The following SLC47A1 variants were observed in gnomAD, a reference collection of about 807,000 sequenced individuals.
The protein encoded by SLC47A1 is solute carrier family 47 member 1, also known as multidrug and toxin extrusion protein 1.
SLC47A1 carries 58 observed loss-of-function variants against 65.8 expected under a neutral mutation model. The ratio of observed to expected loss-of-function variants is 0.88; its 90% CI spans 0.71 to 1.10. The LOEUF is 1.10. Ranked by LOEUF, SLC47A1 falls within the 50% of genes least tolerant of loss-of-function variation. The pLI, the probability that SLC47A1 is intolerant of heterozygous loss-of-function variation, is 0.00. For missense variants in SLC47A1, 706 were observed against 719.2 expected, an observed-to-expected ratio of 0.98 and a Z score of 0.21; for synonymous variants, 285 against 295.0, an observed-to-expected ratio of 0.97 and a Z score of 0.35.
chr17:19,569,165 A>G (rs944419765), intron 14 of SLC47A1, among the ~76,000 whole-genome samples: 1 of 151,830 alleles, frequency 6.6e-6, no homozygotes, highest in African/African-American at 2.4e-5. Context: ...TGAGGTTAAG[A>G]GTTTGAGACC....
At chr17:19,558,975 G>C (rs2084286098) in intron 10 of SLC47A1, among the ~76,000 whole-genome samples, 1 of 152,110 alleles carries the variant, frequency 6.6e-6, no homozygotes, top group Non-Finnish European at 1.5e-5. Flanking sequence ...CAATGTTCAT[G>C]TTTCAACAAG....
At chr17:19,559,764 C>T (rs11651969) in intron 10 of SLC47A1, among the ~76,000 whole-genome samples, 65,537 of 151,726 alleles carry the variant, frequency 0.43, 14,498 homozygotes, top group Middle Eastern at 0.6. Flanking sequence ...AACTCCTGAC[C>T]GCAAGTGATC....
At chr17:19,576,481 G>T (rs1009553781) in intron 16 of SLC47A1, among the ~76,000 whole-genome samples, 6 of 150,516 alleles carry the variant, frequency 4.0e-5, no homozygotes, top group Non-Finnish European at 5.9e-5. Context: ...CTCCCAAGTA[G>T]TTGGGACTAT....
In SLC47A1 at chr17:19,566,738, C is replaced by T. The variant is rs553898312; in HGVS notation, c.1107-52C>T. 4 of 1,556,992 alleles carry T rather than the reference C, an allele frequency of 2.6e-6. No homozygotes were observed. In the South Asian group the frequency reaches 3.3e-5, roughly 13 times the overall value. Reference sequence around the variant, plus strand: ...CTGCGCCTAGCCAGAAAGCTATATACTTCTTTCTCCACTTTGTCTCCTAAT... The same window carrying T: ...CTGCGCCTAGCCAGAAAGCTATATATTTCTTTCTCCACTTTGTCTCCTAAT... On this transcript the variant is annotated intron_variant, in intron 12 of 16. Coordinates refer to ENST00000270570, the MANE Select transcript of SLC47A1 (RefSeq NM_018242.3).
rs183282840 is a variant in SLC47A1 at position 19,544,084 on chromosome 17, A to G, written c.237+1590A>G. On this transcript the variant is annotated intron_variant, in intron 2 of 16. Coordinates refer to ENST00000270570, the MANE Select transcript of SLC47A1 (RefSeq NM_018242.3). ...GATTCTCCAGCCTCAGCCTGGGATT[A>G]CAGGCACATGCCACCACACCCAGCT... Among the ~76,000 whole-genome samples the G allele has an allele frequency of 4.3e-4, 65 of 152,260 alleles. 1 individual carries two copies. Among genetic ancestry groups the G allele is most frequent in the Admixed American group, 3.7e-3 (56 of 15,292 alleles).
intron 7 of SLC47A1, 122 bp downstream of exon 7, chr17:19,555,431 C>T: frequency 7.7e-7 from 1 of 1,295,006 alleles, no homozygotes. Context: ...TTCTTGCACA[C>T]TGTGGAAAGC....
intron 6 of SLC47A1, among the ~76,000 whole-genome samples, chr17:19,554,203 T>A (rs1391399436): frequency 6.6e-6 from 1 of 152,182 alleles, no homozygotes; most frequent in Non-Finnish European, 1.5e-5. Context: ...AAATCATGGT[T>A]TGATAGGCGC....
intron 12 of SLC47A1, among the ~76,000 whole-genome samples, chr17:19,566,449 A>T (rs902437402): frequency 1.3e-5 from 2 of 151,816 alleles, no homozygotes; most frequent in African/African-American, 4.8e-5. Context: ...TTTTTTTAAG[A>T]CAGTCTCGCT....
In SLC47A1 at chr17:19,555,326, C is replaced by T; in HGVS notation, c.641+17C>T. The T allele has an allele frequency of 1.2e-6, 2 of 1,612,758 alleles. No individual in the cohort carries two copies. Among genetic ancestry groups the T allele is most frequent in the Non-Finnish European group, 8.5e-7 (1 of 1,178,742 alleles). On this transcript the variant is annotated intron_variant, in intron 7 of 16. Coordinates refer to ENST00000270570, the MANE Select transcript of SLC47A1 (RefSeq NM_018242.3). ...TGGGGTGATGTGAGTCCAACATACT[C>T]TTGGGACAGGGAGAAGGGATGACTT...
chr17:19,557,605 A>C (rs1428764857), intron 10 of SLC47A1: 1 of 517,658 alleles, frequency 1.9e-6, no homozygotes, highest in Admixed American at 2.0e-5. Context: ...CAGCTGGCCC[A>C]TGGGTGACCC....
intron 12 of SLC47A1, among the ~76,000 whole-genome samples, chr17:19,565,706 C>T (rs2084351196): frequency 6.6e-6 from 1 of 151,560 alleles, no homozygotes; most frequent in Non-Finnish European, 1.5e-5. Context: ...TCAGCCTCCC[C>T]AGCAGCTGGG....
At chr17:19,571,778 G>A (rs1193541323) in intron 15 of SLC47A1, among the ~76,000 whole-genome samples, 1 of 152,136 alleles carries the variant, frequency 6.6e-6, no homozygotes, top group Non-Finnish European at 1.5e-5. Context: ...AGAAAAACAG[G>A]GGACTCCTTT....
chr17:19,567,337 G>T (rs923734432), intron 14 of SLC47A1, 109 bp downstream of exon 14: 2 of 1,476,872 alleles, frequency 1.4e-6, no homozygotes, highest in Non-Finnish European at 1.9e-6. Flanking sequence ...TCGGGAGCTC[G>T]CCCACGTCCA....
intron 10 of SLC47A1, among the ~76,000 whole-genome samples, chr17:19,558,723 G>A (rs747434665): frequency 4.6e-5 from 7 of 152,116 alleles, no homozygotes; most frequent in Non-Finnish European, 8.8e-5. Context: ...GGGATTACAG[G>A]CACAGCCATT....
At chr17:19,573,057 A>G (rs1046251250) in intron 16 of SLC47A1, among the ~76,000 whole-genome samples, 196 bp downstream of exon 16, 10 of 152,256 alleles carry the variant, frequency 6.6e-5, no homozygotes, top group Admixed American at 2.0e-4. Flanking sequence ...GTAAACCGCT[A>G]TAGATGACTG....
intron 12 of SLC47A1, among the ~76,000 whole-genome samples, chr17:19,562,703 T>C (rs1269912741): frequency 6.6e-6 from 1 of 152,070 alleles, no homozygotes; most frequent in East Asian, 1.9e-4. Flanking sequence ...AGAAGGAATA[T>C]AGTAGAAGCT....
intron 1 of SLC47A1, among the ~76,000 whole-genome samples, chr17:19,540,709 G>A (rs887267441): frequency 2.0e-4 from 31 of 152,148 alleles, no homozygotes; most frequent in African/African-American, 6.8e-4. Flanking sequence ...TTTGGCTTAC[G>A]CAAAACATTG....
rs547527862 is a variant in SLC47A1, at chr17:19,566,839, C to T, written c.1156C>T (p.His386Tyr). The part of the protein sequence containing the change: ...AQVVPIYAVS[H>Y]LFEALACTSG... Reference sequence around the variant, plus strand: ...GGTGGTTCCAATTTATGCTGTTTCCCACCTCTTTGAAGCTCTTGCTGTAAG... The same window carrying T: ...GGTGGTTCCAATTTATGCTGTTTCCTACCTCTTTGAAGCTCTTGCTGTAAG... Residue 386 changes from histidine (H) to tyrosine (Y), a missense_variant, in exon 13 of 17, where the codon CAC becomes TAC. Transcript: ENST00000270570. 1 of 1,614,170 alleles carries T rather than the reference C, an allele frequency of 6.2e-7. No homozygotes were observed. The highest frequency in any genetic ancestry group is 1.6e-4 in the Middle Eastern group (1 of 6,062).
Position 19,548,000 on chromosome 17 carries a change from A to G in SLC47A1, c.322A>G (p.Asn108Asp). The G allele has an allele frequency of 6.2e-7, 1 of 1,613,232 alleles. No homozygotes were observed. The highest frequency in any genetic ancestry group is 8.5e-7 in the Non-Finnish European group (1 of 1,179,360). ...TGCACCCCAGACGTACGGGAGCCAG[A>G]ACCTGAAGCACGTGGGCGTGATCCT... ...TLISQTYGSQ[N>D]LKHVGVILQR... is the part of the protein sequence containing the mutation. The change falls in exon 4 of 17, where the codon AAC becomes GAC. Residue 108 changes from asparagine to aspartate, a missense_variant. By Grantham distance (23) the Asn-to-Asp change is conservative. Coordinates refer to ENST00000270570, the MANE Select transcript of SLC47A1 (RefSeq NM_018242.3).
Sources: allele counts gnomAD v4.1 joint callset (sites outside exome capture counted in the v4.1 genomes callset), GRCh38; gene constraint gnomAD v4.1.1; transcripts MANE v1.5; gene names NCBI Gene and HGNC (gene_info 2026-07-23, HGNC 2026-07-21).